OPA1: variants seen among roughly 807,000 people sequenced by gnomAD.
OPA1 encodes OPA1 mitochondrial dynamin like GTPase, also known as dynamin-like GTPase OPA1, mitochondrial.
In OPA1, 59 loss-of-function variants were observed where a neutral mutation model predicts 152.9. The observed-to-expected ratio is 0.39, with a 90% CI of 0.31 to 0.48. OPA1 has a LOEUF of 0.48. Ranked by LOEUF, OPA1 falls within the 20% of genes least tolerant of loss-of-function variation. OPA1 has a pLI of 0.96. For synonymous variants in OPA1, 400 were observed against 389.9 expected (o/e 1.03, Z -0.31); for missense variants, 1,008 against 1,216.8 (o/e 0.83, Z 2.55).
intron 27 of OPA1, among the ~76,000 whole-genome samples, chr3:193,665,653 A>G (rs1297949141): frequency 6.6e-6 from 1 of 152,180 alleles, no homozygotes; most frequent in Non-Finnish European, 1.5e-5. Context: ...CAGTTAATCA[A>G]CAATCTTATT....
rs116604041 is a variant in OPA1, at chr3:193,665,987, G to T, written c.2779-309G>T. 4.1e-3 allele frequency among the ~76,000 whole-genome samples: 630 copies of T among 152,178 alleles called. 2 individuals carry two copies. The highest frequency in any genetic ancestry group is 0.015 in the African/African-American group (608 of 41,520). On this transcript the variant is annotated intron_variant, in intron 27 of 30. Coordinates refer to ENST00000361510, the MANE Select transcript of OPA1 (RefSeq NM_130837.3). ...AGCTGAAACTAAATATAAATGGAGG[G>T]TATATGCTGTGAATTTCAACTTACA...
intron 1 of OPA1, among the ~76,000 whole-genome samples, chr3:193,614,227 C>T (rs1222062283): frequency 6.6e-6 from 1 of 152,220 alleles, no homozygotes; most frequent in Non-Finnish European, 1.5e-5. Flanking sequence ...TGAAGGTGTT[C>T]TAAACTGCTA....
chr3:193,644,215 C>A, intron 16 of OPA1, 110 bp downstream of exon 16: 1 of 1,278,000 alleles, frequency 7.8e-7, no homozygotes, highest in Non-Finnish European at 1.1e-6. Context: ...CACCTTACAA[C>A]TAAGATTTAT....
intron 11 of OPA1, 68 bp downstream of exon 11, chr3:193,638,133 G>C: frequency 9.2e-7 from 1 of 1,086,622 alleles, no homozygotes; most frequent in South Asian, 1.3e-5. Context: ...CCTGTTCATT[G>C]TGTTGAAATG....
rs996222961 is a variant in OPA1 at position 193,684,086 on chromosome 3, G to A, written c.2984-7977G>A. Reference sequence around the variant, plus strand: ...CTTAGGAGAAGCATGGGTCTTCTTCGTACGCACAACTGAGAGAAATTTCCC... The same window carrying A: ...CTTAGGAGAAGCATGGGTCTTCTTCATACGCACAACTGAGAGAAATTTCCC... On this transcript the variant is annotated intron_variant, in intron 29 of 30. Coordinates refer to ENST00000361510, the MANE Select transcript of OPA1 (RefSeq NM_130837.3). Among the ~76,000 whole-genome samples the A allele has an allele frequency of 2.0e-5, 3 of 152,076 alleles. No homozygotes were observed. In the East Asian group the frequency reaches 5.8e-4, roughly 29 times the overall value.
intron 16 of OPA1, among the ~76,000 whole-genome samples, chr3:193,645,224 C>A (rs1017524510): frequency 6.6e-6 from 1 of 152,102 alleles, no homozygotes; most frequent in Non-Finnish European, 1.5e-5. Context: ...ATAATCTCAC[C>A]AACCTTTTTG....
Position 193,671,942 on chromosome 3 carries a change from G to A in OPA1, c.2983+4662G>A, listed in dbSNP as rs559305868. Among the ~76,000 whole-genome samples the A allele has an allele frequency of 2.0e-5, 3 of 152,286 alleles. No individual in the cohort carries two copies. The East Asian group carries it at 5.8e-4, about 29-fold the overall frequency. On this transcript the variant is annotated intron_variant, in intron 29 of 30. Transcript: ENST00000361510. ...TTTCTACCTTAATTTCTTGTTTGCAGTATCTACCCATACTTAGAATTGTCT... is the reference window on the plus strand; with the variant it reads ...TTTCTACCTTAATTTCTTGTTTGCAATATCTACCCATACTTAGAATTGTCT...
chr3:193,668,597 C>T lies in OPA1; in HGVS notation c.2983+1317C>T, dbSNP rs1276369450. The T allele has an allele frequency of 1.9e-6, 3 of 1,540,628 alleles. No homozygotes were observed. The South Asian group carries it at 3.6e-5, about 19-fold the overall frequency. ...TGTGGAGATACCCTCTTTACCCTGC[C>T]TGTGCTTCGCCAGCCTGCACCAGGC... is the stretch of plus-strand genomic sequence containing the variant. On this transcript the variant is annotated intron_variant, in intron 29 of 30. Transcript: ENST00000361510.
chr3:193,687,870 T>G (rs1409757523), intron 29 of OPA1, among the ~76,000 whole-genome samples: 3 of 152,252 alleles, frequency 2.0e-5, no homozygotes, highest in African/African-American at 7.2e-5. Context: ...CAAGTGAATA[T>G]GTATACATAG....
In OPA1 at chr3:193,617,156, T is replaced by C. The variant is rs1254429281; in HGVS notation, c.449-22T>C. 2.9e-6 allele frequency: 4 copies of C among 1,371,856 alleles called. No individual in the cohort carries two copies. The East Asian group carries it at 9.1e-5, about 31-fold the overall frequency. 85.0% of individuals were successfully genotyped at this position (1,371,856 alleles called of 1,614,324 possible). ...GACATATTTTCTTAGTTTCATACTC[T>C]ATATGTTTTGATCTTTTCCAGAGAA... On this transcript the variant is annotated intron_variant, in intron 3 of 30. Transcript: ENST00000361510.
chr3:193,672,683 A>G (rs1209567997), intron 29 of OPA1, among the ~76,000 whole-genome samples: 1 of 152,138 alleles, frequency 6.6e-6, no homozygotes, highest in African/African-American at 2.4e-5. Context: ...AGCCTGGCCA[A>G]CATGGTGAAA....
intron 25 of OPA1, among the ~76,000 whole-genome samples, chr3:193,659,873 C>T (rs937567681): frequency 5.9e-5 from 9 of 152,206 alleles, no homozygotes; most frequent in African/African-American, 2.2e-4. Context: ...AGGCCAGGCA[C>T]GGTGTCTCAT....
intron 1 of OPA1, among the ~76,000 whole-genome samples, chr3:193,600,125 A>G (rs1726238267): frequency 6.6e-6 from 1 of 152,226 alleles, no homozygotes; most frequent in South Asian, 2.1e-4. Context: ...ATATAAAAGT[A>G]CGGAGTCCTC....
chr3:193,638,469 G>A lies in OPA1; in HGVS notation c.1149+404G>A, dbSNP rs1419979082. On this transcript the variant is annotated intron_variant, in intron 11 of 30. Transcript: ENST00000361510. Reference sequence around the variant, plus strand: ...AGGGAAGGTTTTTAACCCTTTTCCTGTTTAGAAAAAAAGTGCAGCTCAACA... The same window carrying A: ...AGGGAAGGTTTTTAACCCTTTTCCTATTTAGAAAAAAAGTGCAGCTCAACA... Among the ~76,000 whole-genome samples, 5 of 152,226 alleles carry A rather than the reference G, an allele frequency of 3.3e-5. No homozygotes were observed. The East Asian group carries it at 9.6e-4, about 29-fold the overall frequency.
intron 6 of OPA1, among the ~76,000 whole-genome samples, chr3:193,620,513 CTTTGCTTGTTTTGA>C (rs1729861634): frequency 1.3e-5 from 2 of 152,128 alleles, no homozygotes; most frequent in South Asian, 2.1e-4. Flanking sequence ...CTAATTTACT[CTTTGCTTGTTTTGA>C]TTTGCTTGTT....
At chr3:193,659,329 TGC>T (rs1359331461) in intron 24 of OPA1, among the ~76,000 whole-genome samples, 151 bp from the exon 25 acceptor site, 1 of 152,232 alleles carries the variant, frequency 6.6e-6, no homozygotes, top group Non-Finnish European at 1.5e-5. Flanking sequence ...CTTACACATG[TGC>T]CATATCAGTC....
intron 29 of OPA1, among the ~76,000 whole-genome samples, chr3:193,685,023 C>T (rs1317700537): frequency 6.6e-6 from 1 of 151,756 alleles, no homozygotes; most frequent in Non-Finnish European, 1.5e-5. Context: ...TTTATCTGAC[C>T]AGGCGCGGTG....
chr3:193,693,493 G>T (rs1170915649), intron 30 of OPA1, among the ~76,000 whole-genome samples: 1 of 151,858 alleles, frequency 6.6e-6, no homozygotes, highest in Non-Finnish European at 1.5e-5. Context: ...TACAAAAATT[G>T]CCCAGGTGTG....
intron 17 of OPA1, 30 bp from the exon 18 acceptor site, chr3:193,645,698 G>A (rs754540744): frequency 6.2e-7 from 1 of 1,607,290 alleles, no homozygotes; most frequent in Non-Finnish European, 8.5e-7. Context: ...TAATTTTCTT[G>A]ATGAAAATTT....
Sources: gnomAD v4.1 joint callset for allele counts (sites outside exome capture counted in the v4.1 genomes callset) on GRCh38, gnomAD v4.1.1 for gene constraint, MANE v1.5 for transcripts, NCBI Gene and HGNC (gene_info 2026-07-23, HGNC 2026-07-21) for gene names.